TTC39C: variants seen among roughly 807,000 people sequenced by gnomAD.
TTC39C encodes tetratricopeptide repeat domain 39C.
TTC39C carries 33 observed loss-of-function variants against 76.3 expected under a neutral mutation model. The observed-to-expected ratio is 0.43, with a 90% CI of 0.33 to 0.58. TTC39C has a LOEUF of 0.58. Ranked by LOEUF, TTC39C falls within the 20% of genes least tolerant of loss-of-function variation. The pLI, the probability that TTC39C is intolerant of heterozygous loss-of-function variation, is 0.04. For synonymous variants in TTC39C, 254 were observed against 260.6 expected (o/e 0.97, Z 0.24); for missense variants, 595 against 701.4 (o/e 0.85, Z 1.71).
intron 4 of TTC39C, among the ~76,000 whole-genome samples, chr18:24,069,781 C>G (rs558064121): frequency 6.6e-6 from 1 of 152,260 alleles, no homozygotes; most frequent in East Asian, 1.9e-4. Flanking sequence ...ATTAGTCTGT[C>G]CAAGACAAAT....
chr18:24,126,626 C>A (rs1018403170), intron 10 of TTC39C, among the ~76,000 whole-genome samples: 2 of 151,494 alleles, frequency 1.3e-5, no homozygotes, highest in South Asian at 4.2e-4. Context: ...GTGTTAAATT[C>A]TGCTATGTTC....
intron 6 of TTC39C, among the ~76,000 whole-genome samples, chr18:24,112,929 C>T (rs987322043): frequency 3.3e-5 from 5 of 152,128 alleles, no homozygotes; most frequent in African/African-American, 1.2e-4. Flanking sequence ...TGCGCTCATG[C>T]ACACATTCCT....
At chr18:23,997,294 T>A (rs1462816906) in intron 1 of TTC39C, among the ~76,000 whole-genome samples, 2 of 152,004 alleles carry the variant, frequency 1.3e-5, no homozygotes, top group East Asian at 3.9e-4. Context: ...CTCATGCCCG[T>A]AATCCCAGCA....
chr18:24,045,913 ATATATATATATATATTTTTTTTTTTTTTT>A (rs1347805942), intron 1 of TTC39C, among the ~76,000 whole-genome samples: 93 of 41,374 alleles, frequency 2.2e-3, no homozygotes, highest in African/African-American at 0.012. Flanking sequence ...ATATATATAT[ATATATATATATATATTTTTTTTTTTTTTT>A]TTTTTTTTTT....
intron 1 of TTC39C, 72 bp downstream of exon 1, chr18:24,015,110 C>T (rs2083436831): frequency 1.5e-6 from 2 of 1,325,642 alleles, no homozygotes; most frequent in Non-Finnish European, 9.8e-7. Context: ...CCTCGACCTG[C>T]GGCCCCCGGG....
chr18:24,062,048 A>T (rs2084108225), intron 1 of TTC39C, among the ~76,000 whole-genome samples: 1 of 152,210 alleles, frequency 6.6e-6, no homozygotes, highest in African/African-American at 2.4e-5. Flanking sequence ...GGGGATGCAG[A>T]CAGTTCTTCA....
intron 6 of TTC39C, among the ~76,000 whole-genome samples, chr18:24,104,701 T>C (rs2084724180): frequency 1.3e-5 from 2 of 150,774 alleles, no homozygotes; most frequent in African/African-American, 4.9e-5. Flanking sequence ...TGTGTGTGTG[T>C]GTGTGTGTGT....
At chr18:24,079,463 G>A (rs892001259) in intron 4 of TTC39C, among the ~76,000 whole-genome samples, 1 of 152,112 alleles carries the variant, frequency 6.6e-6, no homozygotes, top group Non-Finnish European at 1.5e-5. Flanking sequence ...AGAAAAATTG[G>A]CCTAACAGAA....
intron 1 of TTC39C, 51 bp downstream of exon 1, chr18:24,015,089 C>T (rs2083436490): frequency 1.5e-6 from 2 of 1,359,482 alleles, no homozygotes; most frequent in Admixed American, 7.1e-5. Flanking sequence ...ACCTCGTGTC[C>T]GGCTCACGCG....
intron 6 of TTC39C, among the ~76,000 whole-genome samples, chr18:24,100,049 T>A (rs572712825): frequency 2.0e-5 from 3 of 152,324 alleles, no homozygotes; most frequent in Non-Finnish European, 4.4e-5. Context: ...TTTCCATCGT[T>A]TCTAGTTTCC....
Position 24,021,547 on chromosome 18 carries a change from T to C in TTC39C, c.167+6509T>C, listed in dbSNP as rs1237337440. Among the ~76,000 whole-genome samples, 4 of 141,334 alleles carry C rather than the reference T, an allele frequency of 2.8e-5. No homozygotes were observed. In the East Asian group the frequency reaches 5.9e-4, roughly 21 times the overall value. 92.7% of individuals were successfully genotyped at this position (141,334 alleles called of 152,430 possible). On this transcript the variant is annotated intron_variant, in intron 1 of 13. Coordinates refer to ENST00000317571, the MANE Select transcript of TTC39C (RefSeq NM_001135993.2). ...GCTTTTTTTCTTTCCTTCTTTTTTTTTTTTTTTTTTTTTTCCGAGACAGAG... is the reference window on the plus strand; with the variant it reads ...GCTTTTTTTCTTTCCTTCTTTTTTTCTTTTTTTTTTTTTTCCGAGACAGAG...
At chr18:24,121,029 GC>G (rs2084961261) in intron 8 of TTC39C, 1 of 152,112 alleles carries the variant, frequency 6.6e-6, no homozygotes, top group African/African-American at 2.4e-5. Context: ...TCCAGTCCTT[GC>G]TTTCAGTACC....
At chr18:24,058,880 A>G (rs2084052941) in intron 1 of TTC39C, among the ~76,000 whole-genome samples, 1 of 152,156 alleles carries the variant, frequency 6.6e-6, no homozygotes, top group Non-Finnish European at 1.5e-5. Context: ...AATGATTTTC[A>G]GCACTTTTTA....
intron 1 of TTC39C, among the ~76,000 whole-genome samples, chr18:24,045,712 A>G (rs12606120): frequency 0.017 from 2,528 of 151,778 alleles, 124 homozygotes; most frequent in East Asian, 0.14. Flanking sequence ...GTTTTAAATT[A>G]CTTCTTCTGT....
chr18:24,081,572 T>C (rs936840418), intron 5 of TTC39C, among the ~76,000 whole-genome samples: 9 of 152,218 alleles, frequency 5.9e-5, no homozygotes, highest in Admixed American at 5.9e-4. Context: ...CATTTGTAAC[T>C]TGAGTAATTT....
At chr18:24,075,163 G>A (rs1238205972) in intron 4 of TTC39C, among the ~76,000 whole-genome samples, 1 of 151,848 alleles carries the variant, frequency 6.6e-6, no homozygotes, top group African/African-American at 2.4e-5. Context: ...GGTGGGGGGA[G>A]TGGGGAGGGT....
At chr18:24,078,306 A>T (rs941170897) in intron 4 of TTC39C, among the ~76,000 whole-genome samples, 1 of 152,234 alleles carries the variant, frequency 6.6e-6, no homozygotes, top group African/African-American at 2.4e-5. Context: ...GTAAAATAAT[A>T]GCTTGATACC....
At chr18:24,001,986 C>T (rs967269331) in intron 1 of TTC39C, among the ~76,000 whole-genome samples, 7 of 151,926 alleles carry the variant, frequency 4.6e-5, no homozygotes, top group Non-Finnish European at 5.9e-5. Context: ...CCACCACGCC[C>T]GGCTAATTTT....
intron 4 of TTC39C, among the ~76,000 whole-genome samples, chr18:24,075,189 T>C (rs1199168825): frequency 1.3e-5 from 2 of 151,804 alleles, no homozygotes; most frequent in African/African-American, 2.4e-5. Flanking sequence ...TTAAGAGAAA[T>C]ACCTAATGTA....
Sources: gnomAD v4.1 joint callset for allele counts (sites outside exome capture counted in the v4.1 genomes callset) on GRCh38, gnomAD v4.1.1 for gene constraint, MANE v1.5 for transcripts, NCBI Gene and HGNC (gene_info 2026-07-23, HGNC 2026-07-21) for gene names.